NBPF8: variants seen among roughly 807,000 people sequenced by gnomAD.
NBPF8 encodes the protein NBPF family member NBPF8.
At chr1:120,469,658 TAAAG>T (rs1661862169), downstream of NBPF8, among the ~76,000 whole-genome samples, 14 of 151,848 alleles carry the variant, frequency 9.2e-5, no homozygotes, top group South Asian at 2.9e-3. Context: ...TTATTGATAA[TAAAG>T]AACACTTTAC....
chr1:120,466,425 C>T (rs1661753265), exon 25 of NBPF8: 3 of 594,144 alleles, frequency 5.0e-6, no homozygotes, highest in Non-Finnish European at 8.4e-6. Flanking sequence ...GTGACACGTT[C>T]ACATAACTGT....
At chr1:120,434,251 A>G (rs1234443124), upstream of NBPF8, among the ~76,000 whole-genome samples, 5 of 145,322 alleles carry the variant, frequency 3.4e-5, no homozygotes, top group African/African-American at 7.6e-5. Flanking sequence ...ATATATATAC[A>G]CGTGTTATAT....
At position 120,450,127 on chromosome 1, in the gene NBPF8, T is replaced by C. The variant is rs1302850330; in HGVS notation, n.1971+725T>C. On this transcript the variant is annotated intron_variant and non_coding_transcript_variant, in intron 11 of 24. Transcript: ENST00000583271. Reference sequence around the variant, plus strand: ...CTGTAATCACCCCTGCTCAGGAGGCTGAGGCAGGAGAATCCTTTGAACCCA... The same window carrying C: ...CTGTAATCACCCCTGCTCAGGAGGCCGAGGCAGGAGAATCCTTTGAACCCA... Among the ~76,000 whole-genome samples the C allele has an allele frequency of 4.1e-3, 619 of 152,134 alleles. 7 individuals are homozygous for C. Among genetic ancestry groups the C allele is most frequent in the Middle Eastern group, 0.01 (3 of 294 alleles).
upstream of NBPF8, among the ~76,000 whole-genome samples, chr1:120,416,801 C>T (rs1375404296): frequency 6.6e-6 from 1 of 151,842 alleles, no homozygotes; most frequent in South Asian, 2.1e-4. Context: ...TACCATTTAG[C>T]AGGGATATTC....
At position 120,424,423 on chromosome 1, in the gene NBPF8, G is replaced by A. The variant is rs1660652713; in HGVS notation, n.270-1324G>A. Among the ~76,000 whole-genome samples, 4 of 152,018 alleles carry A rather than the reference G, an allele frequency of 2.6e-5. No individual in the cohort carries two copies. In the South Asian group the frequency reaches 8.3e-4, roughly 32 times the overall value. ...GATACATTTTCACATAATAATATTTGGAGTTAAGTAGTGAACCGTCTTTAT... is the reference window on the plus strand; with the variant it reads ...GATACATTTTCACATAATAATATTTAGAGTTAAGTAGTGAACCGTCTTTAT... On this transcript the variant is annotated intron_variant and non_coding_transcript_variant, in intron 1 of 28. Transcript: ENST00000652355.
chr1:120,450,284 T>C (rs1661228947), intron 11 of NBPF8, among the ~76,000 whole-genome samples: 2 of 151,910 alleles, frequency 1.3e-5, no homozygotes, highest in South Asian at 4.2e-4. Flanking sequence ...AGTAGCTTGG[T>C]GAGAGTGAAG....
chr1:120,417,749 G>GC (rs1161649788), upstream of NBPF8, among the ~76,000 whole-genome samples: 2 of 133,980 alleles, frequency 1.5e-5, no homozygotes, highest in African/African-American at 5.9e-5. Context: ...ATAGGAGTGT[G>GC]CCACCATGCC....
Position 120,462,127 on chromosome 1 carries a change from A to T in NBPF8, n.3010-19A>T. ...GAGAACCAGCTTAATATGTCTGTCC[A>T]TGTCTGAACTTATTGCAGAAATTGA... On this transcript the variant is annotated intron_variant and non_coding_transcript_variant, in intron 19 of 24. Transcript: ENST00000583271. 2.5e-6 allele frequency: 1 copy of T among 392,954 alleles called. No individual in the cohort carries two copies. The highest frequency in any genetic ancestry group is 1.8e-5 in the South Asian group (1 of 55,740). 24.3% of individuals were successfully genotyped at this position (392,954 alleles called of 1,614,324 possible). A position where few individuals can be genotyped will look rare whatever the true frequency, so the allele number is the denominator to read the frequency against.
At chr1:120,423,271 G>T (rs1424259474) in intron 1 of NBPF8, among the ~76,000 whole-genome samples, 4 of 103,758 alleles carry the variant, frequency 3.9e-5, no homozygotes, top group Middle Eastern at 4.8e-3. Context: ...TTACATTTAC[G>T]TGTAAGATTT....
chr1:120,466,058 T>A lies in NBPF8; in HGVS notation n.3649T>A, dbSNP rs1228470547. On this transcript the variant is annotated non_coding_transcript_exon_variant, in exon 25 of 25. Coordinates refer to ENST00000583271, the Ensembl canonical transcript of NBPF8. Reference sequence around the variant, plus strand: ...GATAGATGTTATTCGACTCCATCAATGTACTGTGAACTACGTGACTCATTC... The same window carrying A: ...GATAGATGTTATTCGACTCCATCAAAGTACTGTGAACTACGTGACTCATTC... 5,297 of 1,611,996 alleles carry A rather than the reference T, an allele frequency of 3.3e-3. 138 individuals are homozygous for A. The African/African-American group carries it at 0.06, about 18-fold the overall frequency.
chr1:120,449,432 G>A (rs782156599), intron 11 of NBPF8, 30 bp downstream of exon 9: 2 of 1,478,804 alleles, frequency 1.4e-6, no homozygotes, highest in African/African-American at 1.4e-5. Flanking sequence ...CATCATGAAA[G>A]TGATGAATGA....
intron 3 of NBPF8, among the ~76,000 whole-genome samples, chr1:120,430,431 G>T (rs1660844086): frequency 8.9e-6 from 1 of 111,848 alleles, no homozygotes; most frequent in East Asian, 2.0e-4. Flanking sequence ...TTCATTTAAA[G>T]TAACATCTAA....
At chr1:120,417,879 G>A (rs1365486165), upstream of NBPF8, among the ~76,000 whole-genome samples, 3 of 138,314 alleles carry the variant, frequency 2.2e-5, no homozygotes, top group African/African-American at 5.7e-5. Flanking sequence ...GGGATTACAG[G>A]CATGAGCCAC....
exon 25 of NBPF8, chr1:120,466,275 C>A: frequency 4.4e-6 from 7 of 1,596,894 alleles, no homozygotes; most frequent in Non-Finnish European, 6.0e-6. Context: ...CCTATAGGCG[C>A]CTGAAGATTT....
Position 120,460,628 on chromosome 1 carries a change from A to T in NBPF8, n.2836+4A>T. On this transcript the variant is annotated splice_donor_region_variant and intron_variant and non_coding_transcript_variant, in intron 18 of 24. Transcript: ENST00000583271. ...ACCAAGAGGCAACAGGTCCCAGGTG[A>T]GTCTGAGAAATTGTGGACAGTTAAT... 1.6e-6 allele frequency: 2 copies of T among 1,269,908 alleles called. No individual in the cohort carries two copies. Among genetic ancestry groups the T allele is most frequent in the African/African-American group, 2.9e-5 (2 of 68,218 alleles). The allele number at this position is 1,269,908 out of a possible 1,614,324, so 78.7% of individuals were successfully genotyped here.
intron 13 of NBPF8, 96 bp from the exon 12 acceptor site, chr1:120,453,276 A>T: frequency 1.7e-6 from 1 of 573,102 alleles, no homozygotes; most frequent in South Asian, 1.8e-5. Context: ...ACGGTGACCC[A>T]TGCCTAGATG....
exon 15 of NBPF8, chr1:120,454,048 G>C: frequency 6.2e-7 from 1 of 1,613,220 alleles, no homozygotes; most frequent in Admixed American, 1.7e-5. Flanking sequence ...GGAAGACAAA[G>C]TCGACTCAGC....
intron 11 of NBPF8, among the ~76,000 whole-genome samples, chr1:120,450,201 T>G (rs1412419035): frequency 2.0e-5 from 3 of 152,084 alleles, no homozygotes; most frequent in Non-Finnish European, 2.9e-5. Context: ...CACTCCAGCC[T>G]GGGCGACAGG....
chr1:120,424,497 A>G (rs148073171), intron 1 of NBPF8, among the ~76,000 whole-genome samples: 1 of 152,052 alleles, frequency 6.6e-6, no homozygotes, highest in African/African-American at 2.4e-5. Context: ...CCTTGGGCTC[A>G]AATGCAACGG....
Sources: gnomAD v4.1 joint callset for allele counts (sites outside exome capture counted in the v4.1 genomes callset) on GRCh38, gnomAD v4.1.1 for gene constraint, MANE v1.5 for transcripts, NCBI Gene and HGNC (gene_info 2026-07-23, HGNC 2026-07-21) for gene names.